The following THSD7B variants were observed in gnomAD, a reference collection of about 807,000 sequenced individuals.
THSD7B encodes the protein thrombospondin type-1 domain-containing protein 7B.
In THSD7B, 138 loss-of-function variants were observed where a neutral mutation model predicts 213.6. The ratio of observed to expected loss-of-function variants is 0.65; its 90% CI spans 0.56 to 0.74. THSD7B has a LOEUF of 0.74. THSD7B is among the 30% of genes least tolerant of loss of function. The probability of loss-of-function intolerance (pLI) is 0.00; values close to 1 mark genes in which losing one functional copy is unlikely to be tolerated. For synonymous variants in THSD7B, 742 were observed against 687.0 expected, an observed-to-expected ratio of 1.08 and a Z score of -1.25; for missense variants, 1,931 against 1,991.5, an observed-to-expected ratio of 0.97 and a Z score of 0.58.
intron 4 of THSD7B, among the ~76,000 whole-genome samples, chr2:137,100,264 T>C (rs1688124511): frequency 6.6e-6 from 1 of 152,124 alleles, no homozygotes; most frequent in Admixed American, 6.5e-5. Flanking sequence ...TGTGAAGGGA[T>C]GTTTGTTCAA....
chr2:136,894,830 A>G (rs988884436), intron 2 of THSD7B, among the ~76,000 whole-genome samples: 3 of 152,172 alleles, frequency 2.0e-5, no homozygotes, highest in East Asian at 3.8e-4. Flanking sequence ...ATGTTATTGC[A>G]TGTCTCTAGT....
chr2:137,280,177 A>AT (rs1682973418), intron 12 of THSD7B, among the ~76,000 whole-genome samples: 2 of 152,020 alleles, frequency 1.3e-5, no homozygotes, highest in South Asian at 4.1e-4. Context: ...CCAACCTTAT[A>AT]TTTTTTCCTT....
chr2:137,267,654 C>A (rs956264403), intron 10 of THSD7B, among the ~76,000 whole-genome samples: 1 of 152,052 alleles, frequency 6.6e-6, no homozygotes, highest in Admixed American at 6.6e-5. Context: ...TTCCACCCCC[C>A]CATTTTCTTA....
At chr2:136,974,354 C>G (rs1685447465) in intron 2 of THSD7B, among the ~76,000 whole-genome samples, 1 of 152,040 alleles carries the variant, frequency 6.6e-6, no homozygotes, top group Non-Finnish European at 1.5e-5. Context: ...CCCCTGAACC[C>G]CCCGCCCCGC....
At chr2:137,424,545 A>G (rs1686999005) in intron 14 of THSD7B, among the ~76,000 whole-genome samples, 2 of 152,196 alleles carry the variant, frequency 1.3e-5, no homozygotes, top group Non-Finnish European at 2.9e-5. Flanking sequence ...ATTAAGTGAG[A>G]TTTATTCCTG....
chr2:136,923,904 AC>A (rs1221760928), intron 2 of THSD7B, among the ~76,000 whole-genome samples: 1 of 152,084 alleles, frequency 6.6e-6, no homozygotes, highest in African/African-American at 2.4e-5. Context: ...TCTGCAGGTA[AC>A]TTTTTCACTC....
chr2:137,424,384 A>T (rs948077848), intron 14 of THSD7B, among the ~76,000 whole-genome samples: 1 of 152,274 alleles, frequency 6.6e-6, no homozygotes, highest in East Asian at 1.9e-4. Flanking sequence ...GGCTAGCATG[A>T]TCCTTATACC....
In THSD7B at chr2:137,110,121, C is replaced by G. The variant is rs1688321789; in HGVS notation, c.1200-5003C>G. On this transcript the variant is annotated intron_variant, in intron 4 of 27. Coordinates refer to ENST00000409968, the MANE Select transcript of THSD7B (RefSeq NM_001316349.2). The stretch of plus-strand genomic sequence containing the variant: ...ATGGCACTGAAATATCTCTCCTCGT[C>G]CATCTCTCTCTCCCCACCTGGTAAC... Among the ~76,000 whole-genome samples, 6 of 152,138 alleles carry G rather than the reference C, an allele frequency of 3.9e-5. No individual in the cohort carries two copies. The South Asian group carries it at 1.2e-3, about 32-fold the overall frequency.
chr2:137,387,567 G>A (rs1225735075), intron 12 of THSD7B, among the ~76,000 whole-genome samples: 1 of 151,962 alleles, frequency 6.6e-6, no homozygotes, highest in Admixed American at 6.6e-5. Context: ...CAACAAGAAG[G>A]GTCAGAAGTA....
chr2:137,386,284 T>C (rs1685891054), intron 12 of THSD7B, among the ~76,000 whole-genome samples: 1 of 152,248 alleles, frequency 6.6e-6, no homozygotes, highest in South Asian at 2.1e-4. Flanking sequence ...ATTTTATTTC[T>C]GTTTCTTTCA....
At chr2:137,008,386 A>G (rs1686156726) in intron 2 of THSD7B, among the ~76,000 whole-genome samples, 1 of 152,176 alleles carries the variant, frequency 6.6e-6, no homozygotes, top group African/African-American at 2.4e-5. Context: ...ACTAAAGGGG[A>G]ACTATAAAAC....
At position 136,823,931 on chromosome 2, in the gene THSD7B, AC is replaced by A. The variant is rs1474392593; in HGVS notation, c.-35-58212del. ...TCCATGGACTGGATTCCTACCCTGAACATTTGATCATAATTGATGAAAATAA... is the reference window on the plus strand; with the variant it reads ...TCCATGGACTGGATTCCTACCCTGAAATTTGATCATAATTGATGAAAATAA... On this transcript the variant is annotated intron_variant, in intron 1 of 27. Coordinates refer to ENST00000409968, the MANE Select transcript of THSD7B (RefSeq NM_001316349.2). Among the ~76,000 whole-genome samples the A allele has an allele frequency of 2.0e-5, 3 of 152,184 alleles. No individual in the cohort carries two copies. The East Asian group carries it at 5.8e-4, about 29-fold the overall frequency.
At chr2:137,288,801 A>G (rs1573936743) in intron 12 of THSD7B, among the ~76,000 whole-genome samples, 1 of 151,180 alleles carries the variant, frequency 6.6e-6, no homozygotes, top group African/African-American at 2.4e-5. Flanking sequence ...TAATATATAT[A>G]TATATATATA....
At position 137,616,301 on chromosome 2, in the gene THSD7B, C is replaced by T; in HGVS notation, c.3550C>T (p.Gln1184Ter). ...CCTGAATGAAAATTGCTTCCAGTTC[C>T]AGTACAATCTAACAGGTACAGTTAA... ...CLLNENCFQFQYNLTEWSTCQ... is the reference protein window; with the variant it reads ...CLLNENCFQF The change falls in exon 18 of 28, where the codon CAG becomes TAG. Residue 1184 changes from glutamine to a stop codon, truncating the protein, a stop_gained. Coordinates refer to ENST00000409968, the MANE Select transcript of THSD7B (RefSeq NM_001316349.2). LOFTEE classifies it high-confidence loss of function. The T allele has an allele frequency of 6.2e-7, 1 of 1,613,652 alleles. No individual in the cohort carries two copies. The highest frequency in any genetic ancestry group is 8.5e-7 in the Non-Finnish European group (1 of 1,179,676).
At chr2:136,905,665 C>G (rs1684147432) in intron 2 of THSD7B, among the ~76,000 whole-genome samples, 1 of 152,172 alleles carries the variant, frequency 6.6e-6, no homozygotes, top group Non-Finnish European at 1.5e-5. Flanking sequence ...ACAATACTGC[C>G]TATCAGGAAT....
chr2:137,485,942 T>C (rs1688430460), intron 15 of THSD7B, among the ~76,000 whole-genome samples: 1 of 152,014 alleles, frequency 6.6e-6, no homozygotes, highest in South Asian at 2.1e-4. Context: ...GACAAGCAAA[T>C]GCTGAGAGAT....
intron 2 of THSD7B, among the ~76,000 whole-genome samples, chr2:136,920,034 T>G (rs1684408975): frequency 6.6e-6 from 1 of 152,186 alleles, no homozygotes; most frequent in South Asian, 2.1e-4. Flanking sequence ...AACCTCTAGG[T>G]CTGGGCTTCC....
intron 1 of THSD7B, among the ~76,000 whole-genome samples, chr2:136,792,018 C>T (rs912882770): frequency 2.0e-5 from 3 of 152,008 alleles, no homozygotes; most frequent in Non-Finnish European, 4.4e-5. Flanking sequence ...TTCAATTTCT[C>T]CACCTCCTTG....
rs1458893550 is a variant in THSD7B, at chr2:137,411,700, A to G, written c.2787A>G (p.Gln929=). 3 of 1,613,842 alleles carry G rather than the reference A, an allele frequency of 1.9e-6. No homozygotes were observed. The highest frequency in any genetic ancestry group is 2.7e-5 in the African/African-American group (2 of 74,914). ...ELCPCDEFIS[Q]PYGNWSDCIL... ...GTCCTTGTGATGAATTTATATCCCA[A>G]CCTTATGGAAACTGGTCAGATTGCA... is the stretch of plus-strand genomic sequence containing the variant. The change falls in exon 14 of 28, where the codon CAA becomes CAG. Residue 929 remains glutamine, a synonymous_variant. Transcript: ENST00000409968.
Sources: gnomAD v4.1 joint callset for allele counts (sites outside exome capture counted in the v4.1 genomes callset) on GRCh38, gnomAD v4.1.1 for gene constraint, MANE v1.5 for transcripts, NCBI Gene and HGNC (gene_info 2026-07-23, HGNC 2026-07-21) for gene names.